Variants in TPD52L1 observed in about 807,000 individuals in gnomAD.
TPD52L1 encodes the protein tumor protein D53.
A neutral mutation model predicts 28.7 loss-of-function variants in TPD52L1; 18 were observed. The observed-to-expected ratio is 0.63, with a 90% CI of 0.43 to 0.93. TPD52L1 has a LOEUF of 0.93. Among genes scored for constraint, TPD52L1 ranks in the 40% least tolerant of loss-of-function variants. The pLI, the probability that TPD52L1 is intolerant of heterozygous loss-of-function variation, is 0.00. For synonymous variants in TPD52L1, 75 were observed against 88.8 expected, an observed-to-expected ratio of 0.84 and a Z score of 0.88; for missense variants, 203 against 254.8, an observed-to-expected ratio of 0.80 and a Z score of 1.39.
chr6:125,246,793 A>T (rs781751629), intron 3 of TPD52L1, among the ~76,000 whole-genome samples: 7 of 151,828 alleles, frequency 4.6e-5, no homozygotes, highest in Non-Finnish European at 8.8e-5. Flanking sequence ...CTCTCCAGAG[A>T]CACAAATTAC....
At chr6:125,168,132 A>G (rs1791027834) in intron 1 of TPD52L1, among the ~76,000 whole-genome samples, 1 of 152,122 alleles carries the variant, frequency 6.6e-6, no homozygotes, top group Non-Finnish European at 1.5e-5. Flanking sequence ...GCTAATGGAG[A>G]GCAACAGTAG....
chr6:125,255,440 C>T (rs895941421), intron 5 of TPD52L1, among the ~76,000 whole-genome samples: 6 of 152,106 alleles, frequency 3.9e-5, no homozygotes, highest in Admixed American at 1.3e-4. Context: ...AACAGCATTA[C>T]GGAGGATCAC....
At chr6:125,214,494 G>A (rs1029880885) in intron 1 of TPD52L1, 6 of 976,900 alleles carry the variant, frequency 6.1e-6, no homozygotes, top group Non-Finnish European at 7.3e-6. Context: ...GGGTATCTAA[G>A]GGGAACTGCT....
intron 3 of TPD52L1, among the ~76,000 whole-genome samples, chr6:125,242,821 C>T (rs917372723): frequency 3.3e-5 from 5 of 152,016 alleles, no homozygotes; most frequent in Non-Finnish European, 1.5e-5. Flanking sequence ...AGGTACTGTT[C>T]TATTCATTAT....
intron 1 of TPD52L1, among the ~76,000 whole-genome samples, chr6:125,187,282 T>C (rs775003353): frequency 6.6e-6 from 1 of 152,220 alleles, no homozygotes; most frequent in Non-Finnish European, 1.5e-5. Flanking sequence ...AAAAGTATGA[T>C]AATTCCAATT....
chr6:125,257,037 C>G lies in TPD52L1; in HGVS notation c.426-61C>G, dbSNP rs1005337440. On this transcript the variant is annotated intron_variant, in intron 5 of 6. Coordinates refer to ENST00000534000, the MANE Select transcript of TPD52L1 (RefSeq NM_003287.4). ...TTACAGATATGAGCAGAAAACCAAA[C>G]AGCATGGTTGCTAAGACAGCTAGGC... 8.8e-6 allele frequency: 13 copies of G among 1,471,030 alleles called. No individual in the cohort carries two copies. In the Admixed American group the frequency reaches 1.5e-4, roughly 17 times the overall value. The allele number at this position is 1,471,030 out of a possible 1,614,324, so 91.1% of individuals were successfully genotyped here.
chr6:125,245,687 A>G (rs1275278238), intron 3 of TPD52L1, among the ~76,000 whole-genome samples: 1 of 152,130 alleles, frequency 6.6e-6, no homozygotes, highest in Admixed American at 6.5e-5. Context: ...TTATCAAGGA[A>G]GTGGGGGATA....
intron 1 of TPD52L1, among the ~76,000 whole-genome samples, chr6:125,194,962 G>A (rs546303717): frequency 1.3e-5 from 2 of 152,312 alleles, no homozygotes; most frequent in South Asian, 2.1e-4. Context: ...TGGAGTCAGT[G>A]TTCTGAAGTA....
intron 3 of TPD52L1, among the ~76,000 whole-genome samples, chr6:125,240,136 A>G (rs1002895436): frequency 2.6e-5 from 4 of 152,062 alleles, no homozygotes; most frequent in Non-Finnish European, 5.9e-5. Context: ...AGTTTATGTA[A>G]GTATTGGCTT....
chr6:125,167,867 C>A (rs1485444888), intron 1 of TPD52L1, among the ~76,000 whole-genome samples: 103 of 149,100 alleles, frequency 6.9e-4, no homozygotes, highest in African/African-American at 2.4e-3. Flanking sequence ...AAAAAAAAAA[C>A]AAAAAAATGG....
chr6:125,240,512 A>T (rs530238091), intron 3 of TPD52L1, among the ~76,000 whole-genome samples: 1 of 151,942 alleles, frequency 6.6e-6, no homozygotes, highest in East Asian at 1.9e-4. Context: ...GTGTTTTGTC[A>T]TTTTCCTTGC....
At chr6:125,258,764 T>C (rs1027937354) in intron 6 of TPD52L1, among the ~76,000 whole-genome samples, 2 of 152,080 alleles carry the variant, frequency 1.3e-5, no homozygotes, top group African/African-American at 4.8e-5. Flanking sequence ...CCTTCAGACA[T>C]GCACATAACT....
chr6:125,161,685 A>C (rs1482013710), intron 1 of TPD52L1, among the ~76,000 whole-genome samples: 1 of 152,224 alleles, frequency 6.6e-6, no homozygotes, highest in Non-Finnish European at 1.5e-5. Flanking sequence ...GAACACACAC[A>C]GGATTTACTG....
chr6:125,159,585 A>T (rs1790374554), intron 1 of TPD52L1, among the ~76,000 whole-genome samples: 1 of 152,146 alleles, frequency 6.6e-6, no homozygotes, highest in Non-Finnish European at 1.5e-5. Context: ...ATGAATTACG[A>T]ATGTTCTTAA....
At chr6:125,248,105 C>T (rs1797026691) in intron 3 of TPD52L1, among the ~76,000 whole-genome samples, 177 bp from the exon 4 acceptor site, 1 of 152,166 alleles carries the variant, frequency 6.6e-6, no homozygotes, top group Admixed American at 6.6e-5. Flanking sequence ...GACTTTCCTT[C>T]TGATGAACAG....
chr6:125,168,863 A>G (rs1422438914), intron 1 of TPD52L1, among the ~76,000 whole-genome samples: 1 of 152,104 alleles, frequency 6.6e-6, no homozygotes, highest in Admixed American at 6.5e-5. Context: ...GTTTTGGTTT[A>G]TGTAGTAGGA....
chr6:125,228,977 A>T, intron 2 of TPD52L1, 141 bp from the exon 3 acceptor site: 6 of 671,034 alleles, frequency 8.9e-6, no homozygotes, highest in South Asian at 2.4e-5. Context: ...TATCATCTGT[A>T]TGGGGTGTAT....
chr6:125,198,910 T>A lies in TPD52L1; in HGVS notation c.20-21168T>A, dbSNP rs143918483. ...AGTTCCCTACAATCACAACAATGAG[T>A]TCCCCTACCTGAAATTCCATAGTGC... is the stretch of plus-strand genomic sequence containing the variant. On this transcript the variant is annotated intron_variant, in intron 1 of 6. Coordinates refer to ENST00000534000, the MANE Select transcript of TPD52L1 (RefSeq NM_003287.4). Among the ~76,000 whole-genome samples the A allele has an allele frequency of 7.2e-5, 11 of 152,150 alleles. No homozygotes were observed. In the East Asian group the frequency reaches 1.7e-3, roughly 24 times the overall value.
intron 1 of TPD52L1, among the ~76,000 whole-genome samples, chr6:125,198,358 G>A (rs546761782): frequency 5.9e-5 from 9 of 152,284 alleles, no homozygotes; most frequent in Admixed American, 5.9e-4. Context: ...AGAGATGGGA[G>A]AATTTCAAAG....
Sources: gnomAD v4.1 joint callset for allele counts (sites outside exome capture counted in the v4.1 genomes callset) on GRCh38, gnomAD v4.1.1 for gene constraint, MANE v1.5 for transcripts, NCBI Gene and HGNC (gene_info 2026-07-23, HGNC 2026-07-21) for gene names.